Variants in ZSWIM8 observed in about 807,000 individuals in gnomAD.
ZSWIM8 encodes zinc finger SWIM-type containing 8.
ZSWIM8 carries 27 observed loss-of-function variants against 173.7 expected under a neutral mutation model. The ratio of observed to expected loss-of-function variants is 0.16; its 90% CI spans 0.11 to 0.21. ZSWIM8 has a LOEUF of 0.21. Among genes scored for constraint, ZSWIM8 ranks in the 10% least tolerant of loss-of-function variants. The pLI, the probability that ZSWIM8 is intolerant of heterozygous loss-of-function variation, is 1.00. For missense variants in ZSWIM8, 1,627 were observed against 2,428.8 expected (o/e 0.67, Z 6.94); for synonymous variants, 958 against 962.0 (o/e 1.00, Z 0.08).
Position 73,800,717 on chromosome 10 carries a change from A to G in ZSWIM8, c.5080A>G (p.Thr1694Ala). Residue 1694 changes from threonine (T) to alanine (A), a missense_variant, in exon 24 of 26, where the codon ACT (threonine) becomes GCT (alanine). By Grantham distance (58) the Thr-to-Ala change is moderately conservative. Transcript: ENST00000604729. This position sits in a 1 kb window ranked among gnomAD's most constrained non-coding sequence, Gnocchi z 4.1. Reference protein sequence around the residue: ...PNNFSRSPPYTDDVKWLLGLA... With the variant: ...PNNFSRSPPYADDVKWLLGLA... ...CAACTTCTCCCGCTCCCCCCCCTAC[A>G]CTGATGATGTCAAATGGTTGCTGGG... The G allele has an allele frequency of 6.2e-7, 1 of 1,610,928 alleles. No homozygotes were observed. The highest frequency in any genetic ancestry group is 8.5e-7 in the Non-Finnish European group (1 of 1,178,682).
Position 73,789,885 on chromosome 10 carries a change from C to T in ZSWIM8, c.738+61C>T, listed in dbSNP as rs2083355132. On this transcript the variant is annotated intron_variant, in intron 5 of 25. Transcript: ENST00000604729. This position sits in a 1 kb window ranked among gnomAD's most constrained non-coding sequence, Gnocchi z 6.8. ...CCGGGCCAGGCCGCATAACAGCCTTCCTGTTAGGCCCAGGCCTCCATGGGT... is the reference window on the plus strand; with the variant it reads ...CCGGGCCAGGCCGCATAACAGCCTTTCTGTTAGGCCCAGGCCTCCATGGGT... 2 of 1,582,998 alleles carry T rather than the reference C, an allele frequency of 1.3e-6. No individual in the cohort carries two copies. The highest frequency in any genetic ancestry group is 4.6e-5 in the East Asian group (2 of 43,412).
chr10:73,798,943 A>G, intron 20 of ZSWIM8, 59 bp from the exon 21 acceptor site: 3 of 1,547,276 alleles, frequency 1.9e-6, no homozygotes, highest in South Asian at 2.5e-5. Flanking sequence ...AATCTCATCT[A>G]ACACCTTCCA....
rs1351991430 is a variant in ZSWIM8, at chr10:73,789,663, A to G, written c.631-54A>G. Reference sequence around the variant, plus strand: ...CTCTGCCTCTCTGTCCCCCAGCTCCAGCTCCAGCAAACCTGTTCTCAGATT... The same window carrying G: ...CTCTGCCTCTCTGTCCCCCAGCTCCGGCTCCAGCAAACCTGTTCTCAGATT... On this transcript the variant is annotated intron_variant, in intron 4 of 25. Transcript: ENST00000604729. This position sits in a 1 kb window ranked among gnomAD's most constrained non-coding sequence, Gnocchi z 6.8. 5 of 1,553,750 alleles carry G rather than the reference A, an allele frequency of 3.2e-6. No homozygotes were observed. Among genetic ancestry groups the G allele is most frequent in the East Asian group, 4.8e-5 (2 of 41,518 alleles).
chr10:73,786,062 G>A lies in ZSWIM8; in HGVS notation c.184G>A (p.Gly62Ser), dbSNP rs1268379858. The change falls in exon 1 of 26, where the codon GGC (glycine) becomes AGC (serine). Residue 62 changes from glycine to serine, a missense_variant. Coordinates refer to ENST00000604729, the MANE Select transcript of ZSWIM8 (RefSeq NM_001367799.1). The stretch of plus-strand genomic sequence containing the variant: ...CCCCACTGGCGGCGGTGGCGGAGGT[G>A]GCAGTGGCGGTACCAGAATGCGAGG... ...NSPTGGGGGG[G>S]SGGTRMRDGL... is the part of the protein sequence containing the mutation. 6.3e-7 allele frequency: 1 copy of A among 1,587,124 alleles called. No homozygotes were observed.
chr10:73,796,942 C>G lies in ZSWIM8; in HGVS notation c.3202C>G (p.Pro1068Ala). 1 of 1,614,014 alleles carries G rather than the reference C, an allele frequency of 6.2e-7. No homozygotes were observed. Among genetic ancestry groups the G allele is most frequent in the Non-Finnish European group, 8.5e-7 (1 of 1,179,874 alleles). Residue 1068 changes from proline (P) to alanine (A), a missense_variant, in exon 16 of 26, where the codon CCT (proline) becomes GCT (alanine). Physicochemically the swap from Pro to Ala is conservative, Grantham distance 27. This residue lies in a region of ZSWIM8 where 163 missense variants were observed against 193.2 expected (regional missense o/e 0.84). Transcript: ENST00000604729. ...LQPLTSGSAGPAQPGSVAGAG... is the reference protein window; with the variant it reads ...LQPLTSGSAGAAQPGSVAGAG... ...ACCACTGACCTCAGGCTCTGCAGGG[C>G]CTGCTCAACCAGGGAGTGTGGCAGG...
Position 73,800,485 on chromosome 10 carries a change from C to G in ZSWIM8, c.5002+13C>G. On this transcript the variant is annotated intron_variant, in intron 23 of 25. Transcript: ENST00000604729. The surrounding 1 kb of genome is among the most constrained non-coding windows in gnomAD (Gnocchi z 4.1). ...GCCTACCGTGTCGGTGAGAGGACAT[C>G]CCTTTCTGTGCTCCTACCTGCAGTT... The G allele has an allele frequency of 1.2e-6, 2 of 1,613,028 alleles. No individual in the cohort carries two copies. The highest frequency in any genetic ancestry group is 1.7e-6 in the Non-Finnish European group (2 of 1,179,378).
rs2083890752 is a variant in ZSWIM8, at chr10:73,800,503, C to T, written c.5002+31C>T. 1 of 1,611,114 alleles carries T rather than the reference C, an allele frequency of 6.2e-7. No homozygotes were observed. The highest frequency in any genetic ancestry group is 1.7e-5 in the Admixed American group (1 of 59,898). On this transcript the variant is annotated intron_variant, in intron 23 of 25. Coordinates refer to ENST00000604729, the MANE Select transcript of ZSWIM8 (RefSeq NM_001367799.1). The surrounding 1 kb of genome is among the most constrained non-coding windows in gnomAD (Gnocchi z 4.1). ...AGGACATCCCTTTCTGTGCTCCTAC[C>T]TGCAGTTGTGCCAGTGGCTCTTCAG... is the stretch of plus-strand genomic sequence containing the variant.
chr10:73,800,532 A>G lies in ZSWIM8; in HGVS notation c.5002+60A>G. On this transcript the variant is annotated intron_variant, in intron 23 of 25. Transcript: ENST00000604729. This position sits in a 1 kb window ranked among gnomAD's most constrained non-coding sequence, Gnocchi z 4.1. ...AGTTGTGCCAGTGGCTCTTCAGAGG[A>G]CCCTTCCTCTAGCTCTTCATTTGTT... The G allele has an allele frequency of 6.2e-7, 1 of 1,605,712 alleles. No homozygotes were observed. Among genetic ancestry groups the G allele is most frequent in the South Asian group, 1.1e-5 (1 of 89,712 alleles).
intron 19 of ZSWIM8, 37 bp from the exon 20 acceptor site, chr10:73,798,193 A>G (rs2083756696): frequency 6.2e-7 from 1 of 1,610,006 alleles, no homozygotes; most frequent in Non-Finnish European, 8.5e-7. Context: ...TGGTGCCCAC[A>G]CTAACCCAAC....
intron 2 of ZSWIM8, 120 bp from the exon 3 acceptor site, chr10:73,788,975 AC>A: frequency 3.1e-5 from 11 of 354,922 alleles, no homozygotes; most frequent in Non-Finnish European, 3.8e-5. Flanking sequence ...CCTCCCCCCC[AC>A]CCCCCGCCCT....
At chr10:73,798,162 G>T in intron 19 of ZSWIM8, 68 bp from the exon 20 acceptor site, 1 of 1,595,918 alleles carries the variant, frequency 6.3e-7, no homozygotes, top group Non-Finnish European at 8.6e-7. Context: ...CTGATAAAAA[G>T]ACATTATTCT....
chr10:73,800,039 A>G lies in ZSWIM8; in HGVS notation c.4694A>G (p.Gln1565Arg). 2 of 1,613,730 alleles carry G rather than the reference A, an allele frequency of 1.2e-6. No individual in the cohort carries two copies. The highest frequency in any genetic ancestry group is 1.7e-6 in the Non-Finnish European group (2 of 1,179,786). Residue 1565 changes from glutamine to arginine, a missense_variant, in exon 22 of 26, where the codon CAG (glutamine) becomes CGG (arginine). This residue lies in a region of ZSWIM8 where 275 missense variants were observed against 290.1 expected (regional missense o/e 0.95). Transcript: ENST00000604729. The surrounding 1 kb of genome is among the most constrained non-coding windows in gnomAD (Gnocchi z 4.1). ...GTGCATCCTGCATTCCTAGGGGCTC[A>G]GTACCCTTATTCAGTGACTCCTCCC... ...QGVHPAFLGAQYPYSVTPPSL... is the reference protein window; with the variant it reads ...QGVHPAFLGARYPYSVTPPSL...
At position 73,789,393 on chromosome 10, in the gene ZSWIM8, C is replaced by T. The variant is rs747566929; in HGVS notation, c.484C>T (p.Pro162Ser). Residue 162 changes from proline to serine, a missense_variant, in exon 4 of 26, where the codon CCA becomes TCA. Transcript: ENST00000604729. This position sits in a 1 kb window ranked among gnomAD's most constrained non-coding sequence, Gnocchi z 6.8. ...IGFHLSATVV[P>S]PQMVPPKGAY... Reference sequence around the variant, plus strand: ...GTTCCACCTGAGTGCTACAGTGGTGCCACCTCAGATGGTCCCTCCTAAAGG... The same window carrying T: ...GTTCCACCTGAGTGCTACAGTGGTGTCACCTCAGATGGTCCCTCCTAAAGG... 6.4e-7 allele frequency: 1 copy of T among 1,569,538 alleles called. No individual in the cohort carries two copies.
intron 21 of ZSWIM8, 22 bp from the exon 22 acceptor site, chr10:73,799,989 C>T (rs1162906541): frequency 6.2e-7 from 1 of 1,608,886 alleles, no homozygotes; most frequent in East Asian, 2.2e-5. Flanking sequence ...GGCATCTTCC[C>T]CTTTCTTCTC....
chr10:73,788,602 T>C, intron 1 of ZSWIM8, 68 bp from the exon 2 acceptor site: 1 of 1,565,216 alleles, frequency 6.4e-7, no homozygotes, highest in Non-Finnish European at 8.7e-7. Flanking sequence ...CTGGCATGAG[T>C]GCCAAGAGAC....
chr10:73,789,860 C>A lies in ZSWIM8; in HGVS notation c.738+36C>A. 1 of 1,582,714 alleles carries A rather than the reference C, an allele frequency of 6.3e-7. No individual in the cohort carries two copies. The highest frequency in any genetic ancestry group is 8.6e-7 in the Non-Finnish European group (1 of 1,163,422). On this transcript the variant is annotated intron_variant, in intron 5 of 25. Coordinates refer to ENST00000604729, the MANE Select transcript of ZSWIM8 (RefSeq NM_001367799.1). The surrounding 1 kb of genome is among the most constrained non-coding windows in gnomAD (Gnocchi z 6.8). ...TCGGCACCCCCTCCTGCAATTAGCT[C>A]CGGGCCAGGCCGCATAACAGCCTTC...
chr10:73,797,625 C>A lies in ZSWIM8; in HGVS notation c.3662+20C>A. The A allele has an allele frequency of 6.2e-7, 1 of 1,611,398 alleles. No homozygotes were observed. The highest frequency in any genetic ancestry group is 1.1e-5 in the South Asian group (1 of 90,768). On this transcript the variant is annotated intron_variant, in intron 18 of 25. Coordinates refer to ENST00000604729, the MANE Select transcript of ZSWIM8 (RefSeq NM_001367799.1). The surrounding 1 kb of genome is among the most constrained non-coding windows in gnomAD (Gnocchi z 5.6). ...TGGCAGGTCAGTGGGAAGAACTCCC[C>A]ATCTTCCCTGATCTGGCCCACCCTC... is the stretch of plus-strand genomic sequence containing the variant.
chr10:73,786,393 A>G, intron 1 of ZSWIM8: 1 of 346,982 alleles, frequency 2.9e-6, no homozygotes, highest in East Asian at 4.4e-5. Context: ...CTGTGGACAG[A>G]AAGTAAATCT....
At position 73,800,565 on chromosome 10, in the gene ZSWIM8, G is replaced by A. The variant is rs2083894743; in HGVS notation, c.5003-75G>A. On this transcript the variant is annotated intron_variant, in intron 23 of 25. Coordinates refer to ENST00000604729, the MANE Select transcript of ZSWIM8 (RefSeq NM_001367799.1). The surrounding 1 kb of genome is among the most constrained non-coding windows in gnomAD (Gnocchi z 4.1). ...TCTAGCTCTTCATTTGTTTACTGTG[G>A]GGTCAGGTGACAGGTTGGGGTAAAG... The A allele has an allele frequency of 6.2e-7, 1 of 1,602,516 alleles. No homozygotes were observed. The highest frequency in any genetic ancestry group is 8.5e-7 in the Non-Finnish European group (1 of 1,173,148).
Sources: gnomAD v4.1 joint callset for allele counts on GRCh38, gnomAD v4.1.1 for gene constraint, gnomAD v4.1.1 regional missense constraint, Gnocchi (gnomAD v3.1) non-coding constraint, MANE v1.5 for transcripts, NCBI Gene and HGNC (gene_info 2026-07-23, HGNC 2026-07-21) for gene names.